The following TMTC4 variants were observed in gnomAD, a reference collection of about 807,000 sequenced individuals.
TMTC4 encodes protein O-mannosyl-transferase TMTC4.
Under a neutral mutation model 86.0 loss-of-function variants are expected in TMTC4, and 65 were observed. The observed-to-expected ratio is 0.76, with a 90% confidence interval of 0.62 to 0.93. TMTC4 has a LOEUF of 0.93. Among genes scored for constraint, TMTC4 ranks in the 40% least tolerant of loss-of-function variants. The pLI, the probability that TMTC4 is intolerant of heterozygous loss-of-function variation, is 0.00. For synonymous variants in TMTC4, 379 were observed against 382.5 expected (o/e 0.99, Z 0.11); for missense variants, 866 against 948.1 (o/e 0.91, Z 1.14).
At chr13:100,609,817 G>C (rs924457874) in intron 17 of TMTC4, among the ~76,000 whole-genome samples, 2 of 152,068 alleles carry the variant, frequency 1.3e-5, no homozygotes, top group African/African-American at 4.8e-5. Flanking sequence ...CCATTTTATA[G>C]ATGAACAAAC....
At position 100,604,102 on chromosome 13, in the gene TMTC4, A is replaced by G. The variant is rs1876220359; in HGVS notation, c.*892T>C. On this transcript the variant is annotated 3_prime_UTR_variant, in exon 19 of 19. Transcript: ENST00000342624. ...CCACGAATTCCCCGAATGTGGCTCC[A>G]TTTGATAGAAAATTTTGCATTTTCT... is the stretch of plus-strand genomic sequence containing the variant. 6.6e-6 allele frequency: 1 copy of G among 152,660 alleles called. No homozygotes were observed. The highest frequency in any genetic ancestry group is 1.5e-5 in the Non-Finnish European group (1 of 68,038). 9.5% of individuals were successfully genotyped at this position (152,660 alleles called of 1,614,324 possible). A position where few individuals can be genotyped will look rare whatever the true frequency, so the allele number is the denominator to read the frequency against.
rs541400762 is a variant in TMTC4, at chr13:100,637,423, G to A, written c.999+115C>T. The A allele has an allele frequency of 1.3e-4, 178 of 1,329,192 alleles. No homozygotes were observed. In the South Asian group the frequency reaches 1.6e-3, roughly 12 times the overall value. 82.3% of individuals were successfully genotyped at this position (1,329,192 alleles called of 1,614,324 possible). On this transcript the variant is annotated intron_variant, in intron 9 of 18. Coordinates refer to ENST00000342624, the MANE Select transcript of TMTC4 (RefSeq NM_032813.5). ...TCGCAAGCAAACATGGAGGTGGCGCGTGTATTGGGGATTTTGTTGGCGTGC... is the reference window on the plus strand; with the variant it reads ...TCGCAAGCAAACATGGAGGTGGCGCATGTATTGGGGATTTTGTTGGCGTGC...
At chr13:100,663,849 T>C (rs1407263351) in intron 4 of TMTC4, among the ~76,000 whole-genome samples, 1 of 152,208 alleles carries the variant, frequency 6.6e-6, no homozygotes, top group Middle Eastern at 3.2e-3. Context: ...AAGCAGCATA[T>C]TGCTTTTGCA....
intron 5 of TMTC4, 91 bp from the exon 6 acceptor site, chr13:100,656,559 T>TTC: frequency 1.4e-6 from 1 of 716,262 alleles, no homozygotes; most frequent in South Asian, 2.1e-5. Flanking sequence ...TTTTTTTTTT[T>TTC]TGCGACAGGG....
In TMTC4 at chr13:100,663,162, C is replaced by G. The variant is rs199964329; in HGVS notation, c.354G>C (p.Ser118=). The G allele has an allele frequency of 2.5e-6, 4 of 1,614,014 alleles. No individual in the cohort carries two copies. The highest frequency in any genetic ancestry group is 2.5e-6 in the Non-Finnish European group (3 of 1,180,044). The change falls in exon 5 of 19, where the codon TCG becomes TCC. Residue 118 remains serine, a synonymous_variant. Coordinates refer to ENST00000342624, the MANE Select transcript of TMTC4 (RefSeq NM_032813.5). ...VLTFRINYYL[S]GGFHPVGFHV... ...GAAAGCCCACGGGGTGGAAGCCTCC[C>G]GAGAGGTAGTAGTTAATCCTGCAGA...
chr13:100,666,071 A>C (rs1258222810), intron 3 of TMTC4: 1 of 456,578 alleles, frequency 2.2e-6, no homozygotes, highest in South Asian at 1.5e-5. Flanking sequence ...CGAGGTTCTA[A>C]ATATTTGATT....
At chr13:100,622,520 G>A (rs1019614673) in intron 15 of TMTC4, among the ~76,000 whole-genome samples, 1 of 152,118 alleles carries the variant, frequency 6.6e-6, no homozygotes, top group Non-Finnish European at 1.5e-5. Flanking sequence ...TCGTGGTAGT[G>A]ACTAAGTCTC....
intron 15 of TMTC4, among the ~76,000 whole-genome samples, chr13:100,622,390 T>G (rs1879650598): frequency 6.6e-6 from 1 of 152,132 alleles, no homozygotes; most frequent in African/African-American, 2.4e-5. Flanking sequence ...GGTGATATGG[T>G]TTGGCTGTGT....
At chr13:100,624,561 A>G (rs1398612881) in intron 15 of TMTC4, 2 of 81,280 alleles carry the variant, frequency 2.5e-5, no homozygotes, top group African/African-American at 7.5e-5. Context: ...TCTGTCTCCA[A>G]AAACAAAACA....
chr13:100,655,049 T>C (rs1594349696), intron 6 of TMTC4, among the ~76,000 whole-genome samples: 1 of 124,356 alleles, frequency 8.0e-6, no homozygotes, highest in Non-Finnish European at 1.6e-5. Flanking sequence ...TGAGACGGAG[T>C]GTCACTCTGT....
intron 7 of TMTC4, among the ~76,000 whole-genome samples, chr13:100,641,485 CT>C (rs1172117306): frequency 3.6e-4 from 52 of 145,884 alleles, no homozygotes; most frequent in African/African-American, 3.5e-4. Context: ...TTCCTTCTTT[CT>C]TTTTTTTTTT....
chr13:100,670,366 A>G lies in TMTC4; in HGVS notation c.-4T>C, dbSNP rs1412918195. ...AACAGGCAACGGGACACACCATTCC[A>G]TGGTGATGCTGTCCCCTTCCAGGGG... On this transcript the variant is annotated 5_prime_UTR_variant, in exon 2 of 19. It removes an upstream start codon present in the reference 5' UTR. Coordinates refer to ENST00000342624, the MANE Select transcript of TMTC4 (RefSeq NM_032813.5). 1.1e-5 allele frequency: 18 copies of G among 1,609,612 alleles called. No homozygotes were observed. Among genetic ancestry groups the G allele is most frequent in the African/African-American group, 2.7e-5 (2 of 74,678 alleles).
chr13:100,662,023 A>G (rs1885838619), intron 5 of TMTC4, among the ~76,000 whole-genome samples: 1 of 152,098 alleles, frequency 6.6e-6, no homozygotes, highest in African/African-American at 2.4e-5. Flanking sequence ...GGTTCCTGAC[A>G]ACTTCACAAA....
At chr13:100,611,498 T>C (rs2153022781) in intron 17 of TMTC4, among the ~76,000 whole-genome samples, 1 of 152,084 alleles carries the variant, frequency 6.6e-6, no homozygotes. Context: ...GGCAGGAGAA[T>C]GGCGTGAACC....
rs1435621444 is a variant in TMTC4, at chr13:100,604,146, CATTA to C, written c.*844_*847del. ...ATTTTCTGGATAATGTCTGTAGTTA[CATTA>C]AGCAAAATGGAAAACGGCCTTCAGA... On this transcript the variant is annotated 3_prime_UTR_variant, in exon 19 of 19. Transcript: ENST00000342624. The C allele has an allele frequency of 1.5e-4, 23 of 152,724 alleles. No individual in the cohort carries two copies. The highest frequency in any genetic ancestry group is 5.5e-4 in the African/African-American group (23 of 41,568). The allele number at this position is 152,724 out of a possible 1,614,324, so 9.5% of individuals were successfully genotyped here.
rs145886152 is a variant in TMTC4 at position 100,640,756 on chromosome 13, G to A, written c.741+1455C>T. On this transcript the variant is annotated intron_variant, in intron 7 of 18. Transcript: ENST00000342624. ...AGGATCGTTGAGGCTGCAGGGAGCT[G>A]TAATCACGCCACTGCCCTCCCTCCA... Among the ~76,000 whole-genome samples the A allele has an allele frequency of 5.5e-3, 822 of 150,400 alleles. 6 individuals carry two copies. Among genetic ancestry groups the A allele is most frequent in the Non-Finnish European group, 9.9e-3 (674 of 67,748 alleles).
Position 100,656,542 on chromosome 13 carries a change from C to CTTTTTTTTTTT in TMTC4, c.553-85_553-75dup, listed in dbSNP as rs35563246. The CTTTTTTTTTTT allele has an allele frequency of 1.7e-3, 650 of 385,720 alleles. 10 individuals carry two copies. The highest frequency in any genetic ancestry group is 5.2e-3 in the South Asian group (163 of 31,554). 23.9% of individuals were successfully genotyped at this position (385,720 alleles called of 1,614,324 possible). ...GAAATCCTAAACTTAGGAGACATAA[C>CTTTTTTTTTTT]TTTTTTTTTTTTTTTTTTGCGACAG... On this transcript the variant is annotated intron_variant, in intron 5 of 18. Transcript: ENST00000342624.
intron 17 of TMTC4, among the ~76,000 whole-genome samples, chr13:100,607,500 G>A (rs1006860226): frequency 6.7e-6 from 1 of 148,732 alleles, no homozygotes; most frequent in Admixed American, 6.7e-5. Flanking sequence ...CTGGGCAAGA[G>A]AGCAAGACTC....
chr13:100,671,427 T>C (rs981451579), intron 1 of TMTC4, among the ~76,000 whole-genome samples: 1 of 152,006 alleles, frequency 6.6e-6, no homozygotes, highest in Non-Finnish European at 1.5e-5. Context: ...GTACCTCAGA[T>C]TGCTTAGAAC....
Sources: allele counts gnomAD v4.1 joint callset (sites outside exome capture counted in the v4.1 genomes callset), GRCh38; gene constraint gnomAD v4.1.1; transcripts MANE v1.5; gene names NCBI Gene and HGNC (gene_info 2026-07-23, HGNC 2026-07-21).